DLG2: variants seen among roughly 807,000 people sequenced by gnomAD.
DLG2 encodes discs large MAGUK scaffold protein 2.
In DLG2, 45 loss-of-function variants were observed where a neutral mutation model predicts 132.5. The ratio of observed to expected loss-of-function variants is 0.34; its 90% CI spans 0.27 to 0.44. DLG2 has a LOEUF of 0.44. Among genes scored for constraint, DLG2 ranks in the 20% least tolerant of loss-of-function variants. The pLI is 1.00. For synonymous variants in DLG2, 424 were observed against 419.6 expected, an observed-to-expected ratio of 1.01 and a Z score of -0.13; for missense variants, 1,045 against 1,196.9, an observed-to-expected ratio of 0.87 and a Z score of 1.87.
chr11:84,914,632 A>T (rs944124547), intron 6 of DLG2, among the ~76,000 whole-genome samples: 1 of 152,190 alleles, frequency 6.6e-6, no homozygotes, highest in Admixed American at 6.5e-5. Flanking sequence ...TAAGTCTAAT[A>T]AGGGTGAGGA....
intron 7 of DLG2, among the ~76,000 whole-genome samples, chr11:84,518,526 A>G (rs941698865): frequency 3.3e-5 from 5 of 152,108 alleles, no homozygotes; most frequent in Middle Eastern, 3.4e-3. Flanking sequence ...AAGCAAACAA[A>G]CTTCCTCATC....
At chr11:85,472,918 G>A (rs1234660858) in intron 3 of DLG2, among the ~76,000 whole-genome samples, 1 of 152,248 alleles carries the variant, frequency 6.6e-6, no homozygotes, top group African/African-American at 2.4e-5. Flanking sequence ...GAAGAGAAGA[G>A]TTGCAACCCT....
At chr11:85,350,150 C>A (rs1284703059) in intron 3 of DLG2, among the ~76,000 whole-genome samples, 1 of 152,250 alleles carries the variant, frequency 6.6e-6, no homozygotes, top group Non-Finnish European at 1.5e-5. Flanking sequence ...ATTTGCATTT[C>A]TCTGATGACC....
intron 3 of DLG2, among the ~76,000 whole-genome samples, chr11:85,595,914 G>A (rs1281685698): frequency 6.6e-6 from 1 of 151,974 alleles, no homozygotes; most frequent in Non-Finnish European, 1.5e-5. Context: ...ATTTTTTTAA[G>A]CATATGATGA....
chr11:83,674,098 T>C (rs1469318920), intron 18 of DLG2, among the ~76,000 whole-genome samples: 1 of 152,208 alleles, frequency 6.6e-6, no homozygotes, highest in African/African-American at 2.4e-5. Flanking sequence ...GAGTATTACA[T>C]AGAAGTGATG....
intron 3 of DLG2, among the ~76,000 whole-genome samples, chr11:85,564,604 T>A (rs955793379): frequency 9.2e-5 from 14 of 152,066 alleles, no homozygotes; most frequent in African/African-American, 3.4e-4. Context: ...TCTACTCTGT[T>A]CCATTGATCT....
chr11:83,556,546 C>CT (rs893456135), intron 19 of DLG2, among the ~76,000 whole-genome samples: 2 of 151,856 alleles, frequency 1.3e-5, no homozygotes, highest in African/African-American at 4.8e-5. Flanking sequence ...TAATTTTTGT[C>CT]TTTTTTGTAG....
intron 3 of DLG2, among the ~76,000 whole-genome samples, chr11:85,407,602 C>T (rs931477716): frequency 6.6e-6 from 1 of 151,786 alleles, no homozygotes; most frequent in Non-Finnish European, 1.5e-5. Context: ...GAACAGGAAT[C>T]ATATCACGGG....
intron 3 of DLG2, among the ~76,000 whole-genome samples, chr11:85,512,721 G>A (rs1049914715): frequency 1.3e-5 from 2 of 152,074 alleles, no homozygotes; most frequent in African/African-American, 4.8e-5. Context: ...AGAAAAAAGG[G>A]AATGCTTATA....
At chr11:83,465,877 C>G (rs2090934060) in intron 26 of DLG2, among the ~76,000 whole-genome samples, 1 of 152,176 alleles carries the variant, frequency 6.6e-6, no homozygotes, top group African/African-American at 2.4e-5. Context: ...CTTGCCTGAT[C>G]AATTTTCAGG....
At chr11:83,541,573 A>G in intron 20 of DLG2, 109 bp downstream of exon 20, 1 of 1,009,590 alleles carries the variant, frequency 9.9e-7, no homozygotes, top group Non-Finnish European at 1.4e-6. Context: ...TGACTATCCC[A>G]TTTAAATAAA....
intron 10 of DLG2, among the ~76,000 whole-genome samples, chr11:84,073,444 C>T (rs17146747): frequency 0.027 from 4,108 of 152,022 alleles, 175 homozygotes; most frequent in African/African-American, 0.093. Flanking sequence ...ATATGTAATC[C>T]GCACATACAT....
chr11:84,173,816 T>C (rs916249080), intron 8 of DLG2, among the ~76,000 whole-genome samples: 2 of 152,112 alleles, frequency 1.3e-5, no homozygotes, highest in African/African-American at 4.8e-5. Flanking sequence ...ATACAGTATT[T>C]GGCACTAGAG....
intron 11 of DLG2, among the ~76,000 whole-genome samples, chr11:83,984,312 CA>C (rs142024565): frequency 0.027 from 4,055 of 152,088 alleles, 176 homozygotes; most frequent in African/African-American, 0.093. Flanking sequence ...CAAGGTGAAG[CA>C]AGGTATTTTT....
chr11:85,486,281 T>C (rs978842852), intron 3 of DLG2, among the ~76,000 whole-genome samples: 4 of 151,988 alleles, frequency 2.6e-5, no homozygotes, highest in African/African-American at 4.8e-5. Flanking sequence ...AAGAGCAGTA[T>C]GCATTCCCCA....
chr11:85,120,602 T>G (rs1393849642), intron 5 of DLG2, among the ~76,000 whole-genome samples: 1 of 152,074 alleles, frequency 6.6e-6, no homozygotes, highest in Non-Finnish European at 1.5e-5. Flanking sequence ...AAATAATTTA[T>G]TTTATTTTAG....
rs372018528 is a variant in DLG2, at chr11:85,516,399, G to C, written c.40+82258C>G. Among the ~76,000 whole-genome samples, 98 of 152,076 alleles carry C rather than the reference G, an allele frequency of 6.4e-4. 1 individual carries two copies. The South Asian group carries it at 0.02, about 31-fold the overall frequency. ...GCACCTCAAGGACCCAGAAGAATAA[G>C]AGGGAACCAAAACTGCAACTAGCAG... On this transcript the variant is annotated intron_variant, in intron 3 of 27. Coordinates refer to ENST00000376104, the MANE Select transcript of DLG2 (RefSeq NM_001142699.3).
At chr11:84,289,897 G>T (rs1210359193) in intron 7 of DLG2, among the ~76,000 whole-genome samples, 1 of 152,096 alleles carries the variant, frequency 6.6e-6, no homozygotes, top group Non-Finnish European at 1.5e-5. Context: ...ACCGTTTTCT[G>T]GATGGTCAGG....
At chr11:84,004,144 A>G (rs7939859) in intron 11 of DLG2, among the ~76,000 whole-genome samples, 2,513 of 152,190 alleles carry the variant, frequency 0.017, 71 homozygotes, top group African/African-American at 0.056. Flanking sequence ...TAAGAAAACT[A>G]TACATGAATA....
Sources: gnomAD v4.1 joint callset for allele counts (sites outside exome capture counted in the v4.1 genomes callset) on GRCh38, gnomAD v4.1.1 for gene constraint, MANE v1.5 for transcripts, NCBI Gene and HGNC (gene_info 2026-07-23, HGNC 2026-07-21) for gene names.